The following OSBPL9 variants were observed in gnomAD, a reference collection of about 807,000 sequenced individuals.
OSBPL9 encodes the protein oxysterol-binding protein-related protein 9.
In OSBPL9, 40 loss-of-function variants were observed where a neutral mutation model predicts 106.6. That is an observed-to-expected ratio of 0.38 (90% confidence interval 0.29 to 0.49). The LOEUF is 0.49. Ranked by LOEUF, OSBPL9 falls within the 20% of genes least tolerant of loss-of-function variation. The pLI, the probability that OSBPL9 is intolerant of heterozygous loss-of-function variation, is 0.97. For missense variants in OSBPL9, 609 were observed against 887.2 expected, an observed-to-expected ratio of 0.69 and a Z score of 3.98; for synonymous variants, 269 against 295.4, an observed-to-expected ratio of 0.91 and a Z score of 0.92.
intron 11 of OSBPL9, 118 bp downstream of exon 11, chr1:51,762,089 G>T: frequency 1.5e-6 from 1 of 689,008 alleles, no homozygotes. Context: ...TTCTGTTGGA[G>T]ATATGTTAGT....
the OSBPL9 span, among the ~76,000 whole-genome samples, chr1:51,555,714 T>C: frequency 6.6e-6 from 1 of 151,852 alleles, no homozygotes; most frequent in African/African-American, 2.4e-5. Context: ...ATTACAGGCA[T>C]GTGCCACCAT....
the OSBPL9 span, among the ~76,000 whole-genome samples, chr1:51,527,855 GT>G: frequency 1.3e-5 from 2 of 151,988 alleles, no homozygotes; most frequent in Admixed American, 6.6e-5. Context: ...GCTCATGCCT[GT>G]AGTCCCAGCA....
chr1:51,751,393 A>AG (rs1363665855), intron 8 of OSBPL9, among the ~76,000 whole-genome samples: 2 of 152,122 alleles, frequency 1.3e-5, no homozygotes, highest in African/African-American at 4.8e-5. Flanking sequence ...GTCAGAACTT[A>AG]GGGCTTATGT....
At chr1:51,542,565 G>C in the OSBPL9 span, among the ~76,000 whole-genome samples, 1 of 152,188 alleles carries the variant, frequency 6.6e-6, no homozygotes, top group Admixed American at 6.5e-5. Flanking sequence ...TATGGGCTCT[G>C]GGCTCCCAGT....
At chr1:51,683,117 C>T (rs1481494317) in intron 3 of OSBPL9, among the ~76,000 whole-genome samples, 1 of 151,820 alleles carries the variant, frequency 6.6e-6, no homozygotes, top group South Asian at 2.1e-4. Flanking sequence ...CCTCATGATC[C>T]GCCCGCCTCT....
chr1:51,589,674 T>C lies in OSBPL9; in HGVS notation c.-422-8450T>C, dbSNP rs185875032. Among the ~76,000 whole-genome samples the C allele has an allele frequency of 4.6e-5, 7 of 151,190 alleles. No homozygotes were observed. The East Asian group carries it at 1.4e-3, about 29-fold the overall frequency. ...CAAGTGCAAAGGCCCTGAGATGGGG[T>C]TGAAGTCTGAGAAACAACAAGAAAG... is the stretch of plus-strand genomic sequence containing the variant. On this transcript the variant is annotated intron_variant, in intron 1 of 25. Transcript: ENST00000371714.
At chr1:51,602,062 C>T (rs1280196846) in intron 2 of OSBPL9, among the ~76,000 whole-genome samples, 1 of 119,428 alleles carries the variant, frequency 8.4e-6, no homozygotes, top group African/African-American at 3.2e-5. Context: ...ACTCTTTCAC[C>T]CAGGTAGGAC....
chr1:51,669,614 C>G, intron 3 of OSBPL9, 102 bp downstream of exon 3: 4 of 1,087,702 alleles, frequency 3.7e-6, no homozygotes, highest in Non-Finnish European at 5.5e-6. Context: ...TGCAACTGAT[C>G]CTGCATGAAC....
chr1:51,735,085 G>T (rs1321531628), intron 4 of OSBPL9, among the ~76,000 whole-genome samples: 2 of 152,118 alleles, frequency 1.3e-5, no homozygotes, highest in Non-Finnish European at 2.9e-5. Context: ...CAGCATCTGG[G>T]ATCCTTTATC....
chr1:51,622,639 G>A (rs1243899565), intron 1 of OSBPL9, among the ~76,000 whole-genome samples: 3 of 152,176 alleles, frequency 2.0e-5, no homozygotes, highest in Non-Finnish European at 4.4e-5. Context: ...GCAGTTCCTT[G>A]CTGGCTGTTG....
Position 51,619,221 on chromosome 1 carries a change from A to G in OSBPL9, c.111+2000A>G, listed in dbSNP as rs1461853751. On this transcript the variant is annotated intron_variant, in intron 1 of 23. Coordinates refer to ENST00000428468, the MANE Select transcript of OSBPL9 (RefSeq NM_024586.6). Reference sequence around the variant, plus strand: ...AGATAGAGTGATTTCAGTGAGTGACACTATGCAGTTAAGTTACTTTACAAA... The same window carrying G: ...AGATAGAGTGATTTCAGTGAGTGACGCTATGCAGTTAAGTTACTTTACAAA... Among the ~76,000 whole-genome samples, 5 of 152,336 alleles carry G rather than the reference A, an allele frequency of 3.3e-5. No homozygotes were observed. In the East Asian group the frequency reaches 5.8e-4, roughly 18 times the overall value.
At chr1:51,612,240 T>C (rs551628157), upstream of OSBPL9, among the ~76,000 whole-genome samples, 1 of 152,154 alleles carries the variant, frequency 6.6e-6, no homozygotes, top group East Asian at 1.9e-4. Flanking sequence ...AAAACTCTCT[T>C]TGTCTTCTTA....
At position 51,585,169 on chromosome 1, in the gene OSBPL9, A is replaced by G. The variant is rs566574614; in HGVS notation, c.-423+7913A>G. On this transcript the variant is annotated intron_variant, in intron 1 of 25. Transcript: ENST00000371714. ...AAGCCTGGTGACAGAGTGAGGCCCC[A>G]TCTCTTAAAAAAAAAAAAAAAGTCA... 1.3e-4 allele frequency among the ~76,000 whole-genome samples: 5 copies of G among 39,364 alleles called. No homozygotes were observed. In the South Asian group the frequency reaches 7.0e-3, roughly 55 times the overall value. The allele number at this position is 39,364 out of a possible 152,430, so 25.8% of individuals were successfully genotyped here. A position where few individuals can be genotyped will look rare whatever the true frequency, so the allele number is the denominator to read the frequency against.
chr1:51,543,383 T>G, the OSBPL9 span, among the ~76,000 whole-genome samples: 4 of 152,116 alleles, frequency 2.6e-5, no homozygotes, highest in African/African-American at 9.7e-5. Flanking sequence ...GCAAGTACTT[T>G]GAGACTCAGA....
At chr1:51,648,157 T>C (rs1646288235) in intron 1 of OSBPL9, among the ~76,000 whole-genome samples, 1 of 152,238 alleles carries the variant, frequency 6.6e-6, no homozygotes, top group African/African-American at 2.4e-5. Context: ...ATTGGTAAGA[T>C]AACACTCAGT....
At chr1:51,677,947 G>A (rs1196397732) in intron 3 of OSBPL9, among the ~76,000 whole-genome samples, 1 of 151,948 alleles carries the variant, frequency 6.6e-6, no homozygotes, top group African/African-American at 2.4e-5. Context: ...GCTGAGGTGG[G>A]AGGATGGCTT....
Position 51,748,404 on chromosome 1 carries a change from TTA to T in OSBPL9, c.492+10_492+11del. On this transcript the variant is annotated splice_region_variant and intron_variant, in intron 7 of 23. Transcript: ENST00000428468. ...CTCTCAAAGAGACAACAAATGTAAG[TTA>T]TATGTTTGATACATTCTGACTTTGC... 6.6e-7 allele frequency: 1 copy of T among 1,505,154 alleles called. No individual in the cohort carries two copies. The highest frequency in any genetic ancestry group is 2.6e-5 in the East Asian group (1 of 39,184). The allele number at this position is 1,505,154 out of a possible 1,614,324, so 93.2% of individuals were successfully genotyped here.
intron 5 of OSBPL9, 149 bp from the exon 6 acceptor site, chr1:51,746,561 A>G (rs1269446343): frequency 3.4e-6 from 2 of 587,722 alleles, no homozygotes; most frequent in Admixed American, 6.0e-5. Flanking sequence ...GAGTGCTCGA[A>G]AAAAAATACA....
chr1:51,758,540 G>A (rs1231185097), intron 9 of OSBPL9, among the ~76,000 whole-genome samples: 1 of 151,946 alleles, frequency 6.6e-6, no homozygotes, highest in African/African-American at 2.4e-5. Context: ...TTGGGCCCTA[G>A]TACAAGAGCT....
Sources: gnomAD v4.1 joint callset for allele counts (sites outside exome capture counted in the v4.1 genomes callset) on GRCh38, gnomAD v4.1.1 for gene constraint, MANE v1.5 for transcripts, NCBI Gene and HGNC (gene_info 2026-07-23, HGNC 2026-07-21) for gene names.